The following C2 variants were observed in gnomAD, a reference collection of about 807,000 sequenced individuals.
C2 encodes C3/C5 convertase.
A neutral mutation model predicts 85.2 loss-of-function variants in C2; 64 were observed. That is an observed-to-expected ratio of 0.75 (90% CI 0.61 to 0.92). The LOEUF (loss-of-function observed/expected upper bound fraction) is 0.92, where lower values mean the gene tolerates loss of function less well. C2 is among the 40% of genes least tolerant of loss of function. The pLI is 0.00. For missense variants in C2, 820 were observed against 971.6 expected, an observed-to-expected ratio of 0.84 and a Z score of 2.07; for synonymous variants, 311 against 370.8, an observed-to-expected ratio of 0.84 and a Z score of 1.85.
Position 31,943,786 on chromosome 6 carries a change from A to C in C2, c.1710A>C (p.Lys570Asn). Residue 570 changes from lysine (K) to asparagine (N), a missense_variant, in exon 13 of 18, where the codon AAA (lysine) becomes AAC (asparagine). Physicochemically the swap from Lys to Asn is moderately conservative, Grantham distance 94. Transcript: ENST00000299367. This position sits in a 1 kb window ranked among gnomAD's most constrained non-coding sequence, Gnocchi z 6.4. ...DDIALLKLAQ[K>N]VKMSTHARPI... ...TAGCTCTGCTGAAGCTGGCCCAGAA[A>C]GTAAAGATGTCCACCCATGCCAGGT... The C allele has an allele frequency of 6.2e-7, 1 of 1,613,106 alleles. No homozygotes were observed. Among genetic ancestry groups the C allele is most frequent in the Non-Finnish European group, 8.5e-7 (1 of 1,180,034 alleles).
At position 31,932,609 on chromosome 6, in the gene C2, A is replaced by G. The variant is rs1057442361; in HGVS notation, c.443-1001A>G. 2.4e-3 allele frequency: 388 copies of G among 163,828 alleles called. 5 individuals are homozygous for G. The highest frequency in any genetic ancestry group is 9.8e-3 in the African/African-American group (370 of 37,758). The allele number at this position is 163,828 out of a possible 1,614,324, so 10.1% of individuals were successfully genotyped here. On this transcript the variant is annotated intron_variant, in intron 3 of 17. Transcript: ENST00000299367. ...TTCCTAGATGGGATGGCGGCCGGGC[A>G]GAGACGCTCCTCACTTTCCAGACTG...
At chr6:31,923,502 G>C (rs887202512), upstream of C2, among the ~76,000 whole-genome samples, 1 of 151,248 alleles carries the variant, frequency 6.6e-6, no homozygotes, top group African/African-American at 2.4e-5. Flanking sequence ...TTTTTTTGTT[G>C]AGATGGAGTC....
rs1771005415 is a variant in C2, at chr6:31,942,977, T to C, written c.1238T>C (p.Val413Ala). Residue 413 changes from valine to alanine, a missense_variant, in exon 10 of 18, where the codon GTG (valine) becomes GCG (alanine). Coordinates refer to ENST00000299367, the MANE Select transcript of C2 (RefSeq NM_000063.6). ...NDYLDIYAIG[V>A]GKLDVDWREL... ...CCACCAGACATCTATGCCATCGGGG[T>C]GGGCAAGCTGGATGTGGACTGGAGA... 6.2e-7 allele frequency: 1 copy of C among 1,612,956 alleles called. No individual in the cohort carries two copies. The highest frequency in any genetic ancestry group is 8.5e-7 in the Non-Finnish European group (1 of 1,180,016).
intron 7 of C2, chr6:31,937,100 T>C (rs1208677753): frequency 1.4e-5 from 8 of 555,848 alleles, no homozygotes; most frequent in African/African-American, 3.8e-5. Context: ...TCCCAGCTAC[T>C]TGGGAGACTG....
chr6:31,934,235 C>T lies in C2; in HGVS notation c.785C>T (p.Ser262Leu), dbSNP rs267600964. 6.2e-6 allele frequency: 10 copies of T among 1,614,154 alleles called. No individual in the cohort carries two copies. Among genetic ancestry groups the T allele is most frequent in the Non-Finnish European group, 7.6e-6 (9 of 1,180,002 alleles). The part of the protein sequence containing the change: ...HLNLYLLLDC[S>L]QSVSENDFLI... Reference sequence around the variant, plus strand: ...AACCTCTACCTGCTCCTGGACTGTTCGCAGAGTGTGTCGGAAAATGACTTT... The same window carrying T: ...AACCTCTACCTGCTCCTGGACTGTTTGCAGAGTGTGTCGGAAAATGACTTT... Residue 262 changes from serine (S) to leucine (L), a missense_variant, in exon 6 of 18, where the codon TCG becomes TTG. Coordinates refer to ENST00000299367, the MANE Select transcript of C2 (RefSeq NM_000063.6).
At chr6:31,929,699 CAG>C (rs1320034859) in intron 3 of C2, among the ~76,000 whole-genome samples, 1 of 110,712 alleles carries the variant, frequency 9.0e-6, no homozygotes, top group African/African-American at 3.6e-5. Flanking sequence ...GCCTGAGTGA[CAG>C]AGTAAGACTC....
In C2 at chr6:31,927,849, C is replaced by T. The variant is rs763599704; in HGVS notation, c.46+51C>T. 2.5e-6 allele frequency: 4 copies of T among 1,597,922 alleles called. No homozygotes were observed. The Admixed American group carries it at 5.0e-5, about 20-fold the overall frequency. On this transcript the variant is annotated intron_variant, in intron 1 of 17. Transcript: ENST00000299367. This position sits in a 1 kb window ranked among gnomAD's most constrained non-coding sequence, Gnocchi z 4.7. ...CAGGGTCCTGTGTGTGAGGTTGGTG[C>T]TCCCAGCTTGAATTCCCATGTGTGA...
At chr6:31,909,413 T>TC (rs922019976) in intron 1 of C2, among the ~76,000 whole-genome samples, 1 of 151,730 alleles carries the variant, frequency 6.6e-6, no homozygotes, top group Non-Finnish European at 1.5e-5. Flanking sequence ...CGCCTTAGCC[T>TC]CCCGAGTAGC....
At chr6:31,933,451 C>G (rs1770091546) in intron 3 of C2, among the ~76,000 whole-genome samples, 159 bp from the exon 4 acceptor site, 1 of 152,096 alleles carries the variant, frequency 6.6e-6, no homozygotes, top group African/African-American at 2.4e-5. Context: ...GAGGGACCAT[C>G]AGCTGACTTC....
chr6:31,932,987 GC>G (rs1353272222), intron 3 of C2, among the ~76,000 whole-genome samples: 2 of 152,216 alleles, frequency 1.3e-5, no homozygotes, highest in Admixed American at 1.3e-4. Context: ...GTGGCGGCGC[GC>G]GCCTGCAATC....
chr6:31,913,465 A>G lies in C2; in HGVS notation c.73+12326A>G, dbSNP rs35647252. 5.0e-3 allele frequency among the ~76,000 whole-genome samples: 760 copies of G among 152,176 alleles called. 1 individual carries two copies. The highest frequency in any genetic ancestry group is 7.4e-3 in the Non-Finnish European group (505 of 68,002). On this transcript the variant is annotated intron_variant, in intron 1 of 3. Coordinates refer to the C2 transcript ENST00000452202. ...GTGGCAGGCACCTGTAATCCCAGCT[A>G]GTTGGGAGGCTGAGGCACAAGAATC...
Position 31,944,962 on chromosome 6 carries a change from G to A in C2, c.2030-18G>A. On this transcript the variant is annotated intron_variant, in intron 16 of 17. Transcript: ENST00000299367. The surrounding 1 kb of genome is among the most constrained non-coding windows in gnomAD (Gnocchi z 5.1). ...ACTGCCCTAGATGACACTGTCTCCTGTCACCCTTTGCTGGCAGGAGAATCT... is the reference window on the plus strand; with the variant it reads ...ACTGCCCTAGATGACACTGTCTCCTATCACCCTTTGCTGGCAGGAGAATCT... 1 of 1,613,120 alleles carries A rather than the reference G, an allele frequency of 6.2e-7. No individual in the cohort carries two copies. The highest frequency in any genetic ancestry group is 8.5e-7 in the Non-Finnish European group (1 of 1,180,040).
upstream of C2, among the ~76,000 whole-genome samples, chr6:31,925,386 G>A (rs966066794): frequency 3.3e-5 from 5 of 151,146 alleles, no homozygotes; most frequent in Admixed American, 6.6e-5. Flanking sequence ...TCTGCCTCCC[G>A]GGTTCAAGCG....
At chr6:31,925,053 G>GA (rs1769182211), upstream of C2, among the ~76,000 whole-genome samples, 1 of 152,134 alleles carries the variant, frequency 6.6e-6, no homozygotes, top group Non-Finnish European at 1.5e-5. Flanking sequence ...ATGAGGGCTA[G>GA]GGAGGAAGGA....
chr6:31,910,938 C>CCACT (rs1423644555), intron 1 of C2, among the ~76,000 whole-genome samples: 7 of 151,832 alleles, frequency 4.6e-5, no homozygotes, highest in Admixed American at 1.3e-4. Flanking sequence ...CGAGATCGTG[C>CCACT]CACTGCACTC....
upstream of C2, chr6:31,900,099 G>A: frequency 6.2e-7 from 1 of 1,612,382 alleles, no homozygotes; most frequent in South Asian, 1.1e-5. This position sits in a 1 kb window ranked among gnomAD's most constrained non-coding sequence, Gnocchi z 9.7. Context: ...AGGTGGTCGT[G>A]AAGGGTGGAC....
At chr6:31,930,012 AAAACAAACAAAC>A (rs9332713) in intron 3 of C2, among the ~76,000 whole-genome samples, 9 of 150,984 alleles carry the variant, frequency 6.0e-5, no homozygotes, top group Non-Finnish European at 8.8e-5. Flanking sequence ...ACTCTGTCTC[AAAACAAACAAAC>A]AAACAAACAA....
At position 31,912,860 on chromosome 6, in the gene C2, A is replaced by AG. The variant is rs1554273822; in HGVS notation, c.73+11721_73+11722insG. 2.1e-3 allele frequency among the ~76,000 whole-genome samples: 298 copies of AG among 145,340 alleles called. 2 individuals are homozygous for AG. Among genetic ancestry groups the AG allele is most frequent in the Middle Eastern group, 7.0e-3 (2 of 286 alleles). ...ATCTCAAAAAAGAAAAAAAAAAAAA[A>AG]AGAGATTGGTTACCACATTGATGAC... On this transcript the variant is annotated intron_variant, in intron 1 of 3. Coordinates refer to the C2 transcript ENST00000452202.
chr6:31,934,555 T>G, intron 6 of C2: 1 of 1,450,098 alleles, frequency 6.9e-7, no homozygotes, highest in Non-Finnish European at 9.1e-7. Context: ...TTCCAGGAAT[T>G]CATCATCTAG....
Sources: gnomAD v4.1 joint callset for allele counts (sites outside exome capture counted in the v4.1 genomes callset) on GRCh38, gnomAD v4.1.1 for gene constraint, Gnocchi (gnomAD v3.1) non-coding constraint, MANE v1.5 for transcripts, NCBI Gene and HGNC (gene_info 2026-07-23, HGNC 2026-07-21) for gene names.